SLC6A15: variants seen among roughly 807,000 people sequenced by gnomAD.
SLC6A15 encodes the protein solute carrier family 6 member 15.
A neutral mutation model predicts 68.5 loss-of-function variants in SLC6A15; 33 were observed. The observed-to-expected ratio is 0.48, with a 90% CI of 0.37 to 0.64. The LOEUF is 0.64. SLC6A15 is among the 30% of genes least tolerant of loss of function. The pLI is 0.00. For missense variants in SLC6A15, 747 were observed against 874.3 expected (o/e 0.85, Z 1.84); for synonymous variants, 347 against 301.0 (o/e 1.15, Z -1.58).
In SLC6A15 at chr12:84,861,557, C is replaced by T. The variant is rs559983425; in HGVS notation, c.*75G>A. 3 of 1,499,964 alleles carry T rather than the reference C, an allele frequency of 2.0e-6. No homozygotes were observed. The highest frequency in any genetic ancestry group is 2.8e-5 in the African/African-American group (2 of 71,634). The allele number at this position is 1,499,964 out of a possible 1,614,324, so 92.9% of individuals were successfully genotyped here. On this transcript the variant is annotated 3_prime_UTR_variant, in exon 12 of 12. Coordinates refer to ENST00000266682, the MANE Select transcript of SLC6A15 (RefSeq NM_182767.6). ...GAGATTGCCCTCTGATAAGTGAAGCCTAATGCTTCTCCTACTAGGGCCAAT... is the reference window on the plus strand; with the variant it reads ...GAGATTGCCCTCTGATAAGTGAAGCTTAATGCTTCTCCTACTAGGGCCAAT...
intron 1 of SLC6A15, among the ~76,000 whole-genome samples, chr12:84,897,392 C>T (rs1872676245): frequency 2.0e-5 from 3 of 151,770 alleles, no homozygotes; most frequent in African/African-American, 7.3e-5. Context: ...AAAGGTAATC[C>T]AACAAACTTC....
rs67339994 is a variant in SLC6A15 at position 84,895,339 on chromosome 12, A to ATTTTTTTTT, written c.-188-3040_-188-3032dup. Among the ~76,000 whole-genome samples the ATTTTTTTTT allele has an allele frequency of 1.4e-3, 74 of 54,776 alleles. 8 individuals carry two copies. Among genetic ancestry groups the ATTTTTTTTT allele is most frequent in the African/African-American group, 3.2e-3 (47 of 14,834 alleles). The allele number at this position is 54,776 out of a possible 152,430, so 35.9% of individuals were successfully genotyped here. A position where few individuals can be genotyped will look rare whatever the true frequency, so the allele number is the denominator to read the frequency against. On this transcript the variant is annotated intron_variant, in intron 1 of 11. Coordinates refer to ENST00000266682, the MANE Select transcript of SLC6A15 (RefSeq NM_182767.6). ...CTTAGATGTTTTCATTTTTGTTTGT[A>ATTTTTTTTT]TTTTTTTTTTTTTTTTTTTTTTTTT...
chr12:84,900,986 A>G (rs535016451), intron 1 of SLC6A15, among the ~76,000 whole-genome samples: 2 of 143,042 alleles, frequency 1.4e-5, no homozygotes, highest in Non-Finnish European at 3.0e-5. Context: ...ACATGTATAT[A>G]TGTGTATAGA....
chr12:84,900,418 T>G (rs1264344628), intron 1 of SLC6A15, among the ~76,000 whole-genome samples: 1 of 151,962 alleles, frequency 6.6e-6, no homozygotes, highest in Non-Finnish European at 1.5e-5. Context: ...AATTTAACTT[T>G]CATTTTTATA....
At chr12:84,898,762 T>C (rs1209753438) in intron 1 of SLC6A15, among the ~76,000 whole-genome samples, 1 of 152,238 alleles carries the variant, frequency 6.6e-6, no homozygotes, top group Non-Finnish European at 1.5e-5. Flanking sequence ...GCTTCTGTAA[T>C]ATTAAGGACA....
intron 11 of SLC6A15, among the ~76,000 whole-genome samples, chr12:84,863,127 T>G (rs977864904): frequency 6.6e-6 from 1 of 152,182 alleles, no homozygotes; most frequent in Non-Finnish European, 1.5e-5. Flanking sequence ...ATTAAAATAT[T>G]TCTAGAGTTT....
At chr12:84,887,764 G>A (rs1191122787) in intron 2 of SLC6A15, among the ~76,000 whole-genome samples, 1 of 152,054 alleles carries the variant, frequency 6.6e-6, no homozygotes, top group African/African-American at 2.4e-5. Context: ...TTTTTTTCCA[G>A]TCATGTGTGG....
intron 2 of SLC6A15, among the ~76,000 whole-genome samples, chr12:84,891,221 G>T (rs567891150): frequency 6.6e-6 from 1 of 152,082 alleles, no homozygotes; most frequent in Non-Finnish European, 1.5e-5. Flanking sequence ...AGTTGTCTTT[G>T]AAATGGAACA....
chr12:84,873,766 G>A (rs946558687), intron 6 of SLC6A15, among the ~76,000 whole-genome samples: 2 of 152,090 alleles, frequency 1.3e-5, no homozygotes, highest in African/African-American at 2.4e-5. Context: ...TCTAATGGTC[G>A]AAGCAGAAAA....
intron 1 of SLC6A15, among the ~76,000 whole-genome samples, chr12:84,909,501 C>T (rs1873338400): frequency 6.6e-6 from 1 of 152,052 alleles, no homozygotes; most frequent in Admixed American, 6.6e-5. Context: ...GTAAAGACAG[C>T]CAGAAGAGTG....
At chr12:84,911,156 T>A (rs554213795) in intron 1 of SLC6A15, among the ~76,000 whole-genome samples, 1 of 152,156 alleles carries the variant, frequency 6.6e-6, no homozygotes, top group African/African-American at 2.4e-5. Flanking sequence ...ACATAATAAT[T>A]CCTCAAAACA....
intron 2 of SLC6A15, among the ~76,000 whole-genome samples, chr12:84,886,547 A>C (rs2120649562): frequency 6.6e-6 from 1 of 151,948 alleles, no homozygotes; most frequent in South Asian, 2.1e-4. Flanking sequence ...TTTCCAAATA[A>C]AATAACATCA....
rs372840038 is a variant in SLC6A15 at position 84,911,086 on chromosome 12, A to G, written c.-189+1437T>C. ...TAAGACATAAATAGGTCTGTGTTTC[A>G]GCAATGATCTTGCAGAAATGAGGTT... On this transcript the variant is annotated intron_variant, in intron 1 of 11. Coordinates refer to ENST00000266682, the MANE Select transcript of SLC6A15 (RefSeq NM_182767.6). Among the ~76,000 whole-genome samples, 21 of 152,306 alleles carry G rather than the reference A, an allele frequency of 1.4e-4. No individual in the cohort carries two copies. The East Asian group carries it at 3.7e-3, about 27-fold the overall frequency.
At chr12:84,883,151 G>GAAAAAAAAAAA (rs60034973) in intron 5 of SLC6A15, 1 of 636,082 alleles carries the variant, frequency 1.6e-6, no homozygotes. Flanking sequence ...CTGTGATAAT[G>GAAAAAAAAAAA]AAAAAAAAAA....
chr12:84,910,874 G>T (rs74799778), intron 1 of SLC6A15, among the ~76,000 whole-genome samples: 5,246 of 150,798 alleles, frequency 0.035, 317 homozygotes, highest in African/African-American at 0.12. Context: ...CTCCACTTCT[G>T]TAGGATTTAT....
chr12:84,867,184 C>A lies in SLC6A15; in HGVS notation c.1505G>T (p.Cys502Phe). The change falls in exon 10 of 12, where the codon TGT becomes TTT. Residue 502 changes from cysteine to phenylalanine, a missense_variant. Transcript: ENST00000266682. ...VRKEILTVIC[C>F]LLAFCIGLIF... ...CAGGCCAATACAAAATGCCAGAAGA[C>A]AACAGATAACTAGACAAAAGAAATA... is the stretch of plus-strand genomic sequence containing the variant. 6.3e-7 allele frequency: 1 copy of A among 1,595,082 alleles called. No homozygotes were observed.
intron 4 of SLC6A15, among the ~76,000 whole-genome samples, 182 bp from the exon 5 acceptor site, chr12:84,884,222 C>A (rs1871972597): frequency 6.6e-6 from 1 of 152,136 alleles, no homozygotes; most frequent in Non-Finnish European, 1.5e-5. Context: ...AGAAATGTAT[C>A]CTGTTAAATA....
At chr12:84,869,587 C>T (rs1340452465) in intron 9 of SLC6A15, among the ~76,000 whole-genome samples, 3 of 151,226 alleles carry the variant, frequency 2.0e-5, no homozygotes, top group Admixed American at 2.0e-4. Flanking sequence ...TGTTTCTGTA[C>T]TCTAGTATGG....
At chr12:84,897,927 G>T (rs1055583486) in intron 1 of SLC6A15, among the ~76,000 whole-genome samples, 1 of 152,132 alleles carries the variant, frequency 6.6e-6, no homozygotes. Flanking sequence ...TAGAAATTAT[G>T]TGCAGGGGAC....
Sources: allele counts gnomAD v4.1 joint callset (sites outside exome capture counted in the v4.1 genomes callset), GRCh38; gene constraint gnomAD v4.1.1; transcripts MANE v1.5; gene names NCBI Gene and HGNC (gene_info 2026-07-23, HGNC 2026-07-21).